TCF4: variants seen among roughly 807,000 people sequenced by gnomAD.
TCF4 encodes transcription factor 4.
TCF4 carries 3 observed loss-of-function variants against 82.1 expected under a neutral mutation model. That is an observed-to-expected ratio of 0.04 (90% CI 0.02 to 0.09). The LOEUF (loss-of-function observed/expected upper bound fraction) is 0.09. Among genes scored for constraint, TCF4 ranks in the 10% least tolerant of loss-of-function variants. TCF4 has a pLI of 1.00. For missense variants in TCF4, 518 were observed against 852.7 expected, an observed-to-expected ratio of 0.61 and a Z score of 4.89; for synonymous variants, 276 against 309.6, an observed-to-expected ratio of 0.89 and a Z score of 1.14.
chr18:55,585,391 C>T (rs1373982147), intron 2 of TCF4, 39 bp from the exon 3 acceptor site: 3 of 1,569,932 alleles, frequency 1.9e-6, no homozygotes, highest in Admixed American at 3.3e-5. Context: ...GAAAAGAAGA[C>T]ACTTGTGCCT....
chr18:55,444,381 C>T (rs955913113), intron 5 of TCF4, among the ~76,000 whole-genome samples: 2 of 152,142 alleles, frequency 1.3e-5, no homozygotes, highest in Non-Finnish European at 2.9e-5. Flanking sequence ...GGATTCACCA[C>T]TTGGAGGGAA....
chr18:55,565,084 C>A (rs1251209841), intron 3 of TCF4, among the ~76,000 whole-genome samples: 1 of 152,144 alleles, frequency 6.6e-6, no homozygotes, highest in Non-Finnish European at 1.5e-5. Flanking sequence ...TGTGCAGAAT[C>A]TAGAAGCACA....
At chr18:55,528,470 C>T (rs935575694) in intron 3 of TCF4, among the ~76,000 whole-genome samples, 2 of 152,138 alleles carry the variant, frequency 1.3e-5, no homozygotes, top group African/African-American at 4.8e-5. Flanking sequence ...AACCTTTGTT[C>T]ATTCATAACC....
intron 3 of TCF4, among the ~76,000 whole-genome samples, chr18:55,497,765 A>G (rs966429801): frequency 2.6e-5 from 4 of 152,176 alleles, no homozygotes; most frequent in Non-Finnish European, 4.4e-5. Flanking sequence ...CAGCGGGGGG[A>G]AAATTATGAG....
intron 8 of TCF4, among the ~76,000 whole-genome samples, chr18:55,283,713 G>GA (rs2063093887): frequency 1.3e-5 from 2 of 152,160 alleles, no homozygotes. Flanking sequence ...CTGGTCCTCA[G>GA]ATTCCTGCTT....
intron 3 of TCF4, among the ~76,000 whole-genome samples, chr18:55,515,728 T>C (rs1214594148): frequency 6.6e-6 from 1 of 152,070 alleles, no homozygotes; most frequent in Non-Finnish European, 1.5e-5. Flanking sequence ...CATGGCACAT[T>C]ATATACAGAA....
intron 5 of TCF4, among the ~76,000 whole-genome samples, chr18:55,404,702 TA>T (rs2048643483): frequency 6.6e-6 from 1 of 152,198 alleles, no homozygotes; most frequent in East Asian, 1.9e-4. Context: ...GCAATGTTAT[TA>T]GAGTATGCCT....
chr18:55,384,827 G>C (rs1421547881), intron 6 of TCF4, among the ~76,000 whole-genome samples: 1 of 152,050 alleles, frequency 6.6e-6, no homozygotes, highest in East Asian at 1.9e-4. Context: ...TCAGTGGATG[G>C]GGATGGAATG....
At chr18:55,380,468 A>G (rs1489995489) in intron 6 of TCF4, among the ~76,000 whole-genome samples, 2 of 151,786 alleles carry the variant, frequency 1.3e-5, no homozygotes, top group African/African-American at 2.4e-5. Flanking sequence ...TCTTATAAGG[A>G]CATTAATTCC....
chr18:55,531,037 C>T (rs566898653), intron 3 of TCF4, among the ~76,000 whole-genome samples: 42 of 151,836 alleles, frequency 2.8e-4, no homozygotes, highest in African/African-American at 9.4e-4. Context: ...GTGCAACTTC[C>T]GCCTCCCGGG....
At chr18:55,509,487 T>C (rs941897927) in intron 3 of TCF4, among the ~76,000 whole-genome samples, 21 of 152,254 alleles carry the variant, frequency 1.4e-4, no homozygotes, top group African/African-American at 4.8e-4. Flanking sequence ...GTACAGCATG[T>C]AGAGGCAGCC....
chr18:55,426,118 TACACAC>T (rs58725679), intron 5 of TCF4, among the ~76,000 whole-genome samples: 6 of 145,152 alleles, frequency 4.1e-5, no homozygotes, highest in African/African-American at 1.0e-4. Context: ...TATATATATA[TACACAC>T]ACACACACAC....
intron 8 of TCF4, among the ~76,000 whole-genome samples, chr18:55,299,880 T>C (rs750327636): frequency 6.6e-6 from 1 of 152,176 alleles, no homozygotes; most frequent in Non-Finnish European, 1.5e-5. Context: ...GAGAAGTCAC[T>C]GTGCATGGGA....
chr18:55,249,820 T>C (rs370930300), intron 15 of TCF4, among the ~76,000 whole-genome samples: 4 of 152,090 alleles, frequency 2.6e-5, no homozygotes, highest in South Asian at 2.1e-4. Context: ...CGGGAACACA[T>C]AGAGTCACAT....
At chr18:55,387,796 T>C (rs575758800) in intron 6 of TCF4, among the ~76,000 whole-genome samples, 57 of 152,320 alleles carry the variant, frequency 3.7e-4, no homozygotes, top group African/African-American at 1.3e-3. Context: ...CGTCTAGAAA[T>C]TTCCTCAGGA....
intron 2 of TCF4, among the ~76,000 whole-genome samples, chr18:55,601,294 C>G (rs1256834157): frequency 6.6e-6 from 1 of 152,200 alleles, no homozygotes; most frequent in South Asian, 2.1e-4. Context: ...AGATGCCTGT[C>G]CTTCCAGAGG....
chr18:55,361,106 T>C (rs189431297), intron 6 of TCF4, among the ~76,000 whole-genome samples: 1 of 152,218 alleles, frequency 6.6e-6, no homozygotes, highest in Admixed American at 6.5e-5. Flanking sequence ...TGTCATGAGA[T>C]TTATGGATGC....
chr18:55,600,721 A>G (rs76234471), intron 2 of TCF4, among the ~76,000 whole-genome samples: 223 of 152,300 alleles, frequency 1.5e-3, no homozygotes, highest in Admixed American at 3.9e-3. Context: ...GGACCATTGG[A>G]GTGCAGTTGA....
chr18:55,563,292 A>C (rs533311996), intron 3 of TCF4, among the ~76,000 whole-genome samples: 1 of 152,206 alleles, frequency 6.6e-6, no homozygotes, highest in Admixed American at 6.5e-5. Context: ...GCTAATAAAA[A>C]ATATCCATCA....
Sources: allele counts gnomAD v4.1 joint callset (sites outside exome capture counted in the v4.1 genomes callset), GRCh38; gene constraint gnomAD v4.1.1; transcripts MANE v1.5; gene names NCBI Gene and HGNC (gene_info 2026-07-23, HGNC 2026-07-21).